ATP6V0A2: variants seen among roughly 807,000 people sequenced by gnomAD.
The protein encoded by ATP6V0A2 is V-type proton ATPase 116 kDa subunit a 2.
In ATP6V0A2, 58 loss-of-function variants were observed where a neutral mutation model predicts 104.4. The ratio of observed to expected loss-of-function variants is 0.56; its 90% confidence interval spans 0.45 to 0.69. The LOEUF is 0.69. Ranked by LOEUF, ATP6V0A2 falls within the 30% of genes least tolerant of loss-of-function variation. The probability of loss-of-function intolerance (pLI) is 0.00; values close to 1 mark genes in which losing one functional copy is unlikely to be tolerated. For missense variants in ATP6V0A2, 938 were observed against 1,062.9 expected (o/e 0.88, Z 1.63); for synonymous variants, 376 against 397.9 (o/e 0.95, Z 0.65).
intron 6 of ATP6V0A2, chr12:123,732,308 C>G (rs2135896044): frequency 6.5e-6 from 1 of 154,138 alleles, no homozygotes; most frequent in East Asian, 1.9e-4. Flanking sequence ...CCCACACTTG[C>G]CTCGCCTGGC....
In ATP6V0A2 at chr12:123,744,568, A is replaced by G; in HGVS notation, c.1327-29A>G. Reference sequence around the variant, plus strand: ...GTCACATGGACACCCTCCAGTAACCATATTCTGCCCCCGCCTTGCCCTTCA... The same window carrying G: ...GTCACATGGACACCCTCCAGTAACCGTATTCTGCCCCCGCCTTGCCCTTCA... On this transcript the variant is annotated intron_variant, in intron 11 of 19. Coordinates refer to ENST00000330342, the MANE Select transcript of ATP6V0A2 (RefSeq NM_012463.4). The surrounding 1 kb of genome is among the most constrained non-coding windows in gnomAD (Gnocchi z 5.4). 1 of 1,612,156 alleles carries G rather than the reference A, an allele frequency of 6.2e-7. No individual in the cohort carries two copies. The highest frequency in any genetic ancestry group is 8.5e-7 in the Non-Finnish European group (1 of 1,179,974).
At position 123,744,957 on chromosome 12, in the gene ATP6V0A2, C is replaced by T. The variant is rs80355657; in HGVS notation, c.1590C>T (p.Pro530=). ...SIPGVFRGPY[P]LGIDPIWNLA... is the part of the protein sequence containing the mutation. ...CTGGAGTGTTCCGAGGCCCTTATCC[C>T]CTTGGCATTGATCCTGTGAGTGCAC... The change falls in exon 13 of 20, where the codon CCC becomes CCT. Residue 530 remains proline (P), a synonymous_variant. Transcript: ENST00000330342. The surrounding 1 kb of genome is among the most constrained non-coding windows in gnomAD (Gnocchi z 5.4). The T allele has an allele frequency of 7.7e-4, 1,250 of 1,614,242 alleles. 12 individuals are homozygous for T. In the East Asian group the frequency reaches 0.02, roughly 26 times the overall value.
At chr12:123,757,045 GC>G (rs994596008) in intron 19 of ATP6V0A2, 59 bp downstream of exon 19, 2 of 1,574,130 alleles carry the variant, frequency 1.3e-6, no homozygotes, top group Non-Finnish European at 1.7e-6. Context: ...CCCCCCCACT[GC>G]CCCGCCCAAC....
intron 9 of ATP6V0A2, 142 bp downstream of exon 9, chr12:123,737,413 T>A: frequency 1.2e-6 from 1 of 864,726 alleles, no homozygotes; most frequent in Non-Finnish European, 1.8e-6. Context: ...TTTAAAATAT[T>A]AATTAACAAA....
chr12:123,741,703 A>C (rs1360808227), intron 9 of ATP6V0A2, among the ~76,000 whole-genome samples: 1 of 151,712 alleles, frequency 6.6e-6, no homozygotes, highest in Non-Finnish European at 1.5e-5. Flanking sequence ...GGCTTAAGTG[A>C]CCCTCCTGTC....
intron 18 of ATP6V0A2, chr12:123,754,836 G>A: frequency 2.2e-6 from 1 of 446,822 alleles, no homozygotes; most frequent in East Asian, 4.0e-5. Context: ...GACGGCTTGG[G>A]AGCCTCTGGT....
Position 123,752,393 on chromosome 12 carries a change from G to A in ATP6V0A2, c.2166G>A (p.Ala722=), listed in dbSNP as rs753589480. ...HQVEDGCREM[A]CEEFNFGEIL... ...TGGAAGATGGATGTAGAGAAATGGC[G>A]TGTGAAGAGGTAAATCTTTTCAACT... Residue 722 remains alanine (A), a synonymous_variant, in exon 17 of 20, where the codon GCG becomes GCA. Coordinates refer to ENST00000330342, the MANE Select transcript of ATP6V0A2 (RefSeq NM_012463.4). 41 of 1,613,910 alleles carry A rather than the reference G, an allele frequency of 2.5e-5. No homozygotes were observed. The highest frequency in any genetic ancestry group is 8.0e-5 in the African/African-American group (6 of 74,920).
intron 8 of ATP6V0A2, 38 bp downstream of exon 8, chr12:123,735,662 G>A: frequency 6.7e-7 from 1 of 1,499,306 alleles, no homozygotes; most frequent in South Asian, 1.1e-5. Context: ...TTTATCTGAG[G>A]GCTGCCAAAC....
intron 6 of ATP6V0A2, chr12:123,732,572 CTCCTCTGCT>C (rs1956511782): frequency 6.6e-6 from 1 of 152,394 alleles, no homozygotes; most frequent in Non-Finnish European, 1.5e-5. Context: ...TCTGTGTGTA[CTCCTCTGCT>C]TGGAAGTCTC....
chr12:123,753,534 C>T (rs1956736077), intron 17 of ATP6V0A2, among the ~76,000 whole-genome samples: 1 of 152,270 alleles, frequency 6.6e-6, no homozygotes, highest in Non-Finnish European at 1.5e-5. Flanking sequence ...ACAGTAGTCA[C>T]AGTGGGTCAG....
intron 9 of ATP6V0A2, among the ~76,000 whole-genome samples, chr12:123,741,750 C>G (rs1005752479): frequency 6.6e-6 from 1 of 152,068 alleles, no homozygotes; most frequent in African/African-American, 2.4e-5. Flanking sequence ...AAGCATGAGC[C>G]ACCATGCCTG....
intron 7 of ATP6V0A2, 40 bp from the exon 8 acceptor site, chr12:123,735,491 G>A (rs1956543706): frequency 1.7e-5 from 26 of 1,573,790 alleles, no homozygotes; most frequent in Non-Finnish European, 2.2e-5. Context: ...TAGTTCTAGT[G>A]CTGACAGATG....
intron 6 of ATP6V0A2, chr12:123,732,919 G>A (rs1165531244): frequency 6.6e-6 from 1 of 152,124 alleles, no homozygotes; most frequent in Non-Finnish European, 1.5e-5. Context: ...TGTATCCCTA[G>A]CACCTATAAT....
intron 15 of ATP6V0A2, 85 bp from the exon 16 acceptor site, chr12:123,751,025 A>G: frequency 1.3e-6 from 2 of 1,576,874 alleles, no homozygotes; most frequent in Non-Finnish European, 8.7e-7. Flanking sequence ...ACATTGTTCG[A>G]TCTTTCCTGA....
At chr12:123,730,213 C>T (rs1566279276) in intron 6 of ATP6V0A2, among the ~76,000 whole-genome samples, 2 of 151,678 alleles carry the variant, frequency 1.3e-5, no homozygotes, top group Non-Finnish European at 1.5e-5. Flanking sequence ...CGCCACCGCT[C>T]CCGGCTAATT....
intron 9 of ATP6V0A2, chr12:123,738,849 T>C (rs1291118550): frequency 6.6e-6 from 1 of 152,234 alleles, no homozygotes. Flanking sequence ...CTTGTCTCAT[T>C]ACATAATTCT....
intron 8 of ATP6V0A2, among the ~76,000 whole-genome samples, chr12:123,736,809 T>G (rs1956558501): frequency 6.6e-6 from 1 of 152,218 alleles, no homozygotes; most frequent in Non-Finnish European, 1.5e-5. Flanking sequence ...CCTAGGGTCA[T>G]GTTCTCCAGA....
intron 1 of ATP6V0A2, among the ~76,000 whole-genome samples, chr12:123,714,841 G>T (rs141986153): frequency 1.3e-5 from 2 of 152,196 alleles, no homozygotes; most frequent in Non-Finnish European, 2.9e-5. Flanking sequence ...CAGCACTTTC[G>T]GAGGCCAAGG....
chr12:123,757,895 T>C (rs1956779400), intron 19 of ATP6V0A2, 32 bp from the exon 20 acceptor site: 3 of 1,319,294 alleles, frequency 2.3e-6, no homozygotes, highest in Non-Finnish European at 3.2e-6. Context: ...TTTCATAATC[T>C]TCCATTAATA....
Sources: allele counts gnomAD v4.1 joint callset (sites outside exome capture counted in the v4.1 genomes callset), GRCh38; gene constraint gnomAD v4.1.1; non-coding constraint Gnocchi (gnomAD v3.1); transcripts MANE v1.5; gene names NCBI Gene and HGNC (gene_info 2026-07-23, HGNC 2026-07-21).